Variants in EDIL3 observed in about 807,000 individuals in gnomAD.
EDIL3 encodes the protein EGF like and discoidin domains 3.
EDIL3 carries 37 observed loss-of-function variants against 67.4 expected under a neutral mutation model. That is an observed-to-expected ratio of 0.55 (90% CI 0.42 to 0.72). The LOEUF is 0.72. EDIL3 is among the 30% of genes least tolerant of loss of function. The pLI is 0.00. For missense variants in EDIL3, 527 were observed against 586.3 expected, an observed-to-expected ratio of 0.90 and a Z score of 1.04; for synonymous variants, 195 against 196.3, an observed-to-expected ratio of 0.99 and a Z score of 0.05.
intron 10 of EDIL3, among the ~76,000 whole-genome samples, chr5:83,951,444 T>C (rs1744420558): frequency 6.6e-6 from 1 of 151,836 alleles, no homozygotes; most frequent in African/African-American, 2.4e-5. Flanking sequence ...AAATTTGATG[T>C]TCACTTACAA....
intron 10 of EDIL3, among the ~76,000 whole-genome samples, chr5:83,960,250 T>C (rs1376856216): frequency 6.6e-6 from 1 of 151,194 alleles, no homozygotes; most frequent in Admixed American, 6.6e-5. Flanking sequence ...AATGGTTTCA[T>C]TAAAAAATTT....
chr5:84,272,849 A>T (rs924096403), intron 1 of EDIL3, among the ~76,000 whole-genome samples: 26 of 150,112 alleles, frequency 1.7e-4, no homozygotes, highest in Admixed American at 1.4e-3. Context: ...AGTATGAATT[A>T]TTTTTTTTTT....
At chr5:84,032,541 G>T (rs973218847) in intron 9 of EDIL3, among the ~76,000 whole-genome samples, 1 of 151,970 alleles carries the variant, frequency 6.6e-6, no homozygotes, top group Non-Finnish European at 1.5e-5. Flanking sequence ...TCCTGTCAGG[G>T]TTTTTAAATA....
intron 9 of EDIL3, chr5:84,048,225 C>T (rs953647257): frequency 6.0e-5 from 26 of 431,018 alleles, no homozygotes; most frequent in African/African-American, 5.2e-4. Flanking sequence ...CAAATGTTTC[C>T]AGTGGCCTGG....
chr5:84,072,775 T>G (rs1746763052), intron 6 of EDIL3, among the ~76,000 whole-genome samples: 1 of 152,064 alleles, frequency 6.6e-6, no homozygotes, highest in South Asian at 2.1e-4. Context: ...AAGATACTAT[T>G]TACTTGTAAA....
Position 84,383,249 on chromosome 5 carries a change from G to A in EDIL3, c.67+1059C>T, listed in dbSNP as rs113197450. Among the ~76,000 whole-genome samples the A allele has an allele frequency of 2.3e-3, 356 of 152,112 alleles. 1 individual carries two copies. Among genetic ancestry groups the A allele is most frequent in the African/African-American group, 8.4e-3 (347 of 41,506 alleles). On this transcript the variant is annotated intron_variant, in intron 1 of 10. Coordinates refer to ENST00000296591, the MANE Select transcript of EDIL3 (RefSeq NM_005711.5). The stretch of plus-strand genomic sequence containing the variant: ...CGCAGGAGTGGCACAGCTCCCCCAG[G>A]CACAGCTCCCACTCGCCTCCCCACA...
At chr5:84,130,332 G>T (rs534254675) in intron 5 of EDIL3, among the ~76,000 whole-genome samples, 30 of 152,094 alleles carry the variant, frequency 2.0e-4, no homozygotes, top group African/African-American at 7.2e-4. Flanking sequence ...GGCTTTAGAG[G>T]GTGAAACAAT....
At chr5:84,253,071 T>C (rs560884124) in intron 2 of EDIL3, among the ~76,000 whole-genome samples, 1 of 152,210 alleles carries the variant, frequency 6.6e-6, no homozygotes, top group Non-Finnish European at 1.5e-5. Flanking sequence ...ATTTAATTAT[T>C]CTTTCTTTCA....
chr5:84,309,051 T>C (rs1746328092), intron 1 of EDIL3, among the ~76,000 whole-genome samples: 1 of 152,174 alleles, frequency 6.6e-6, no homozygotes, highest in South Asian at 2.1e-4. Flanking sequence ...ATAATGTACT[T>C]ACATTTCCTC....
At chr5:84,074,456 A>G (rs1295147499) in intron 6 of EDIL3, among the ~76,000 whole-genome samples, 2 of 152,214 alleles carry the variant, frequency 1.3e-5, no homozygotes, top group African/African-American at 2.4e-5. Context: ...TCATCTGACA[A>G]AGGGCTAATA....
At chr5:84,098,179 A>G (rs1290864339) in intron 6 of EDIL3, among the ~76,000 whole-genome samples, 3 of 152,076 alleles carry the variant, frequency 2.0e-5, no homozygotes, top group Non-Finnish European at 2.9e-5. Flanking sequence ...TGGTACTATT[A>G]ATAATTGCAT....
At chr5:83,965,717 C>G (rs1335923236) in intron 9 of EDIL3, among the ~76,000 whole-genome samples, 1 of 151,980 alleles carries the variant, frequency 6.6e-6, no homozygotes, top group East Asian at 1.9e-4. Context: ...TTGGCACTTT[C>G]CAACAGATAC....
At chr5:84,368,184 A>G (rs1747779253) in intron 1 of EDIL3, among the ~76,000 whole-genome samples, 1 of 152,298 alleles carries the variant, frequency 6.6e-6, no homozygotes, top group African/African-American at 2.4e-5. Context: ...AAGAAGAACC[A>G]ATCTGGAGGA....
chr5:83,943,399 T>G lies in EDIL3; in HGVS notation c.*20A>C. Reference sequence around the variant, plus strand: ...ACTTTTAGGGAAATAGGGAAGAGGGTTGTGAAATGTAGCCTCCCCTCATTC... The same window carrying G: ...ACTTTTAGGGAAATAGGGAAGAGGGGTGTGAAATGTAGCCTCCCCTCATTC... On this transcript the variant is annotated 3_prime_UTR_variant, in exon 11 of 11. Transcript: ENST00000296591. 1 of 1,611,404 alleles carries G rather than the reference T, an allele frequency of 6.2e-7. No homozygotes were observed. The highest frequency in any genetic ancestry group is 8.5e-7 in the Non-Finnish European group (1 of 1,178,604).
chr5:84,384,342 G>A lies in EDIL3; in HGVS notation c.33C>T (p.Val11=). 2 of 1,612,340 alleles carry A rather than the reference G, an allele frequency of 1.2e-6. No individual in the cohort carries two copies. Among genetic ancestry groups the A allele is most frequent in the Non-Finnish European group, 1.7e-6 (2 of 1,179,248 alleles). Residue 11 remains valine (V), a synonymous_variant, in exon 1 of 11, where the codon GTC becomes GTT. Coordinates refer to ENST00000296591, the MANE Select transcript of EDIL3 (RefSeq NM_005711.5). MKRSVAVWLL[V]GLSLGVPQFG... Reference sequence around the variant, plus strand: ...ACTGGGGGACACCGAGGCTGAGCCCGACCAAGAGCCAGACGGCTACCGAGC... The same window carrying A: ...ACTGGGGGACACCGAGGCTGAGCCCAACCAAGAGCCAGACGGCTACCGAGC...
chr5:84,092,618 TA>T (rs971011410), intron 6 of EDIL3, among the ~76,000 whole-genome samples: 6 of 152,180 alleles, frequency 3.9e-5, no homozygotes, highest in Admixed American at 2.0e-4. Flanking sequence ...TTTCATAAGC[TA>T]TAAATATACT....
In EDIL3 at chr5:84,149,066, C is replaced by T. The variant is rs115679006; in HGVS notation, c.356-11712G>A. Reference sequence around the variant, plus strand: ...GACACAAAGGACTCTCCCTCTTGGGCCATGGCATAGGGAGGGAGAATCCAG... The same window carrying T: ...GACACAAAGGACTCTCCCTCTTGGGTCATGGCATAGGGAGGGAGAATCCAG... On this transcript the variant is annotated intron_variant, in intron 4 of 10. Transcript: ENST00000296591. 5.6e-3 allele frequency among the ~76,000 whole-genome samples: 844 copies of T among 151,648 alleles called. 5 individuals carry two copies. Among genetic ancestry groups the T allele is most frequent in the African/African-American group, 0.019 (777 of 41,304 alleles).
intron 1 of EDIL3, among the ~76,000 whole-genome samples, chr5:84,374,874 A>C (rs1362221428): frequency 6.6e-6 from 1 of 151,802 alleles, no homozygotes; most frequent in Admixed American, 6.6e-5. Flanking sequence ...TTCCACCATG[A>C]TTGTAAATTC....
intron 4 of EDIL3, among the ~76,000 whole-genome samples, chr5:84,178,269 T>TGG (rs1748954662): frequency 6.6e-6 from 1 of 152,194 alleles, no homozygotes; most frequent in Non-Finnish European, 1.5e-5. Flanking sequence ...TTTCAGGTGA[T>TGG]GCCTGTTTAT....
Sources: gnomAD v4.1 joint callset for allele counts (sites outside exome capture counted in the v4.1 genomes callset) on GRCh38, gnomAD v4.1.1 for gene constraint, MANE v1.5 for transcripts, NCBI Gene and HGNC (gene_info 2026-07-23, HGNC 2026-07-21) for gene names.